The following ARIH1 variants were observed in gnomAD, a reference collection of about 807,000 sequenced individuals.
ARIH1 encodes the protein ariadne RBR E3 ubiquitin protein ligase 1.
ARIH1 carries 8 observed loss-of-function variants against 85.0 expected under a neutral mutation model. That is an observed-to-expected ratio of 0.09 (90% CI 0.06 to 0.17). The LOEUF (loss-of-function observed/expected upper bound fraction) is 0.17, where lower values mean the gene tolerates loss of function less well. Ranked by LOEUF, ARIH1 falls within the 10% of genes least tolerant of loss-of-function variation. ARIH1 has a pLI of 1.00. For missense variants in ARIH1, 311 were observed against 718.1 expected, an observed-to-expected ratio of 0.43 and a Z score of 6.48; for synonymous variants, 238 against 253.6, an observed-to-expected ratio of 0.94 and a Z score of 0.59.
intron 11 of ARIH1, 48 bp downstream of exon 11, chr15:72,572,213 TATATTC>T: frequency 7.7e-7 from 1 of 1,300,530 alleles, no homozygotes; most frequent in Non-Finnish European, 1.1e-6. Context: ...ATGCACGTTG[TATATTC>T]ATATTCATTA....
In ARIH1 at chr15:72,585,702, TGCC is replaced by T. The variant is rs2064313356; in HGVS notation, c.*2411_*2413del. 1.3e-5 allele frequency: 2 copies of T among 152,188 alleles called. No individual in the cohort carries two copies. Among genetic ancestry groups the T allele is most frequent in the Middle Eastern group, 3.2e-3 (1 of 316 alleles). 9.4% of individuals were successfully genotyped at this position (152,188 alleles called of 1,614,324 possible). A position where few individuals can be genotyped will look rare whatever the true frequency, so the allele number is the denominator to read the frequency against. On this transcript the variant is annotated 3_prime_UTR_variant, in exon 14 of 14. Coordinates refer to ENST00000379887, the MANE Select transcript of ARIH1 (RefSeq NM_005744.5). ...GCTTTCTATTTCAATGTTGGCATAC[TGCC>T]TGAGGGTATTGCAGTTGTGGGTGCA... is the stretch of plus-strand genomic sequence containing the variant.
chr15:72,555,725 A>T (rs1009288285), intron 4 of ARIH1, 127 bp from the exon 5 acceptor site: 1 of 765,484 alleles, frequency 1.3e-6, no homozygotes, highest in Non-Finnish European at 2.2e-6. Context: ...TCCTTTAAGG[A>T]GAAAGGGAAG....
At chr15:72,583,096 C>A in intron 13 of ARIH1, 112 bp from the exon 14 acceptor site, 1 of 739,978 alleles carries the variant, frequency 1.4e-6, no homozygotes, top group Non-Finnish European at 2.2e-6. Context: ...AAAATAGGTG[C>A]TTGGTTCCGA....
chr15:72,523,142 A>C (rs1190626370), intron 2 of ARIH1, among the ~76,000 whole-genome samples: 21 of 152,366 alleles, frequency 1.4e-4, no homozygotes, highest in Admixed American at 1.3e-3. Flanking sequence ...AACTTCTTTA[A>C]AATTACCCAA....
intron 7 of ARIH1, among the ~76,000 whole-genome samples, chr15:72,563,906 T>C (rs1480521585): frequency 1.3e-5 from 2 of 152,176 alleles, no homozygotes; most frequent in East Asian, 3.9e-4. Flanking sequence ...CTAAGAGTTT[T>C]CCTGTGGCTC....
intron 1 of ARIH1, among the ~76,000 whole-genome samples, chr15:72,513,633 G>T (rs774484757): frequency 1.1e-4 from 17 of 149,520 alleles, no homozygotes; most frequent in Non-Finnish European, 1.6e-4. Context: ...TCCACCCAAA[G>T]AATTTCTTAT....
chr15:72,504,036 G>A (rs1171062738), intron 1 of ARIH1, among the ~76,000 whole-genome samples: 7 of 152,120 alleles, frequency 4.6e-5, no homozygotes, highest in Admixed American at 6.5e-5. Context: ...AGGGCAAAGG[G>A]CCAGTGTGAT....
rs12906361 is a variant in ARIH1, at chr15:72,510,694, G to A, written c.376-7373G>A. Among the ~76,000 whole-genome samples, 920 of 111,360 alleles carry A rather than the reference G, an allele frequency of 8.3e-3. 5 individuals carry two copies. The highest frequency in any genetic ancestry group is 0.012 in the Non-Finnish European group (746 of 60,486). 73.1% of individuals were successfully genotyped at this position (111,360 alleles called of 152,430 possible). A position where few individuals can be genotyped will look rare whatever the true frequency, so the allele number is the denominator to read the frequency against. On this transcript the variant is annotated intron_variant, in intron 1 of 13. Coordinates refer to ENST00000379887, the MANE Select transcript of ARIH1 (RefSeq NM_005744.5). Reference sequence around the variant, plus strand: ...GGAGCTTGCAGTGAGCCGAGATCACGCCACTGCACTCCAGCCTGGGCAACA... The same window carrying A: ...GGAGCTTGCAGTGAGCCGAGATCACACCACTGCACTCCAGCCTGGGCAACA...
chr15:72,474,508 G>A lies in ARIH1; in HGVS notation c.-132G>A. The A allele has an allele frequency of 1.6e-6, 2 of 1,223,570 alleles. No individual in the cohort carries two copies. Among genetic ancestry groups the A allele is most frequent in the Non-Finnish European group, 2.2e-6 (2 of 927,238 alleles). 75.8% of individuals were successfully genotyped at this position (1,223,570 alleles called of 1,614,324 possible). A position where few individuals can be genotyped will look rare whatever the true frequency, so the allele number is the denominator to read the frequency against. ...CGCCAACCGCCGCTCCTGGGGAGGAGCCGCGGCTCGCGGGGCCGGAGCCAG... is the reference window on the plus strand; with the variant it reads ...CGCCAACCGCCGCTCCTGGGGAGGAACCGCGGCTCGCGGGGCCGGAGCCAG... On this transcript the variant is annotated 5_prime_UTR_variant, in exon 1 of 14. Transcript: ENST00000379887.
chr15:72,501,270 GA>G (rs1230547186), intron 1 of ARIH1, among the ~76,000 whole-genome samples: 3 of 152,098 alleles, frequency 2.0e-5, no homozygotes, highest in Non-Finnish European at 4.4e-5. Context: ...ATTTTTCTTA[GA>G]AAACAGTTTT....
intron 1 of ARIH1, among the ~76,000 whole-genome samples, chr15:72,509,157 A>G (rs187454424): frequency 6.6e-5 from 10 of 151,624 alleles, no homozygotes; most frequent in African/African-American, 2.2e-4. Flanking sequence ...CTCCCAGCTA[A>G]TGTTTATATT....
Position 72,475,026 on chromosome 15 carries a change from C to A in ARIH1, c.375+12C>A. The A allele has an allele frequency of 6.4e-7, 1 of 1,550,764 alleles. No individual in the cohort carries two copies. Among genetic ancestry groups the A allele is most frequent in the African/African-American group, 1.4e-5 (1 of 73,236 alleles). On this transcript the variant is annotated intron_variant, in intron 1 of 13. Transcript: ENST00000379887. ...ACGAGGTCATCCAGGTGAGGGTGGC[C>A]GCCGCGCCAGCTGGACCGGGCCCGA...
chr15:72,583,330 C>A lies in ARIH1; in HGVS notation c.*38C>A. Reference sequence around the variant, plus strand: ...ATAAAATGAACTCTGAAAACTTTACCATCTAGAGTGCTCATGCAATTAAAA... The same window carrying A: ...ATAAAATGAACTCTGAAAACTTTACAATCTAGAGTGCTCATGCAATTAAAA... On this transcript the variant is annotated 3_prime_UTR_variant, in exon 14 of 14. Coordinates refer to ENST00000379887, the MANE Select transcript of ARIH1 (RefSeq NM_005744.5). 6.6e-7 allele frequency: 1 copy of A among 1,524,362 alleles called. No homozygotes were observed. Among genetic ancestry groups the A allele is most frequent in the South Asian group, 1.1e-5 (1 of 87,614 alleles). The allele number at this position is 1,524,362 out of a possible 1,614,324, so 94.4% of individuals were successfully genotyped here.
intron 2 of ARIH1, among the ~76,000 whole-genome samples, chr15:72,527,351 CT>C (rs2064034470): frequency 6.6e-6 from 1 of 152,180 alleles, no homozygotes; most frequent in African/African-American, 2.4e-5. Flanking sequence ...CGTCTGAAAG[CT>C]GGATATCTCC....
In ARIH1 at chr15:72,596,290, T is replaced by A. The variant is rs1324901053; in HGVS notation, c.*12998T>A. 2 of 152,222 alleles carry A rather than the reference T, an allele frequency of 1.3e-5. No homozygotes were observed. Among genetic ancestry groups the A allele is most frequent in the Admixed American group, 6.5e-5 (1 of 15,286 alleles). The allele number at this position is 152,222 out of a possible 1,614,324, so 9.4% of individuals were successfully genotyped here. A position where few individuals can be genotyped will look rare whatever the true frequency, so the allele number is the denominator to read the frequency against. Reference sequence around the variant, plus strand: ...CTTTAAAGAAGTTATTTTATTGTACTCAGGCCTCATTTGTTTCTGGTGAGA... The same window carrying A: ...CTTTAAAGAAGTTATTTTATTGTACACAGGCCTCATTTGTTTCTGGTGAGA... On this transcript the variant is annotated 3_prime_UTR_variant, in exon 14 of 14. Transcript: ENST00000379887.
intron 2 of ARIH1, among the ~76,000 whole-genome samples, chr15:72,538,538 G>C (rs978991723): frequency 6.6e-6 from 1 of 152,076 alleles, no homozygotes; most frequent in East Asian, 1.9e-4. Flanking sequence ...TTAAATATTC[G>C]AATGGCAGTG....
intron 2 of ARIH1, among the ~76,000 whole-genome samples, chr15:72,519,475 G>GTTTTTTTTTTTTTT (rs150165121): frequency 8.0e-5 from 5 of 62,572 alleles, no homozygotes; most frequent in African/African-American, 2.6e-4. Flanking sequence ...TGTTTTTTTT[G>GTTTTTTTTTTTTTT]TTTTTTTTTT....
At chr15:72,475,126 C>A in intron 1 of ARIH1, 112 bp downstream of exon 1, 1 of 1,447,632 alleles carries the variant, frequency 6.9e-7, no homozygotes, top group Non-Finnish European at 9.2e-7. Context: ...TAGCCCGGTG[C>A]CTCCCGGCCT....
chr15:72,569,357 C>T (rs1331268417), intron 9 of ARIH1, among the ~76,000 whole-genome samples: 1 of 152,126 alleles, frequency 6.6e-6, no homozygotes, highest in Non-Finnish European at 1.5e-5. Context: ...CTAACACGAT[C>T]TCTGTAGCAT....
Sources: allele counts gnomAD v4.1 joint callset (sites outside exome capture counted in the v4.1 genomes callset), GRCh38; gene constraint gnomAD v4.1.1; transcripts MANE v1.5; gene names NCBI Gene and HGNC (gene_info 2026-07-23, HGNC 2026-07-21).